Variants in AFF3 observed in about 807,000 individuals in gnomAD.
AFF3 encodes AF4/FMR2 family member 3.
Under a neutral mutation model 129.7 loss-of-function variants are expected in AFF3, and 32 were observed. The observed-to-expected ratio is 0.25, with a 90% CI of 0.19 to 0.33. The LOEUF (loss-of-function observed/expected upper bound fraction) is 0.33, where lower values mean the gene tolerates loss of function less well. AFF3 is among the 10% of genes least tolerant of loss of function. The pLI is 1.00. For synonymous variants in AFF3, 644 were observed against 635.4 expected (o/e 1.01, Z -0.20); for missense variants, 1,373 against 1,592.0 (o/e 0.86, Z 2.34).
intron 10 of AFF3, among the ~76,000 whole-genome samples, chr2:99,731,526 G>A (rs912326983): frequency 5.3e-5 from 8 of 151,718 alleles, no homozygotes; most frequent in African/African-American, 1.9e-4. Flanking sequence ...CCACCTCCCC[G>A]CTCACAGCTA....
At chr2:100,123,304 G>A (rs1439027688) in intron 2 of AFF3, among the ~76,000 whole-genome samples, 1 of 152,186 alleles carries the variant, frequency 6.6e-6, no homozygotes, top group Non-Finnish European at 1.5e-5. Flanking sequence ...TAATAGCAGA[G>A]GGTTGGTAAA....
chr2:99,872,113 G>A (rs749243327), intron 7 of AFF3, among the ~76,000 whole-genome samples: 51 of 148,820 alleles, frequency 3.4e-4, no homozygotes, highest in Non-Finnish European at 7.2e-4. Context: ...GGCTGAGGCA[G>A]GAGAATGGCA....
intron 8 of AFF3, among the ~76,000 whole-genome samples, chr2:99,797,946 G>A (rs148458605): frequency 2.6e-5 from 4 of 152,030 alleles, no homozygotes; most frequent in African/African-American, 4.8e-5. Context: ...GCTAACAGAC[G>A]GAAATATAAA....
chr2:99,804,196 G>T (rs1056970777), intron 8 of AFF3, among the ~76,000 whole-genome samples: 1 of 152,054 alleles, frequency 6.6e-6, no homozygotes, highest in African/African-American at 2.4e-5. Context: ...ATGTGACAAA[G>T]AACTAATATC....
At chr2:99,994,822 T>C (rs1234193584) in intron 7 of AFF3, among the ~76,000 whole-genome samples, 1 of 152,172 alleles carries the variant, frequency 6.6e-6, no homozygotes, top group Non-Finnish European at 1.5e-5. Context: ...CTGATCTGCC[T>C]GACATCATTT....
At position 100,045,993 on chromosome 2, in the gene AFF3, G is replaced by T. The variant is rs140247247; in HGVS notation, c.54-37061C>A. On this transcript the variant is annotated intron_variant, in intron 4 of 24. Coordinates refer to ENST00000672756, the MANE Select transcript of AFF3 (RefSeq NM_001386135.1). Reference sequence around the variant, plus strand: ...GTTATATGTGAATTTTTGACTGCATGAGGGTTGGCACCTCTAACCCCAGAG... The same window carrying T: ...GTTATATGTGAATTTTTGACTGCATTAGGGTTGGCACCTCTAACCCCAGAG... Among the ~76,000 whole-genome samples the T allele has an allele frequency of 4.1e-3, 627 of 152,222 alleles. 1 individual carries two copies. The highest frequency in any genetic ancestry group is 0.011 in the South Asian group (51 of 4,822).
chr2:99,737,775 G>A (rs762954783), intron 10 of AFF3, among the ~76,000 whole-genome samples: 15 of 150,724 alleles, frequency 1.0e-4, no homozygotes, highest in Admixed American at 4.7e-4. Context: ...TGAAATTCTA[G>A]TTAGATGCAT....
chr2:99,872,066 C>T (rs1044587041), intron 7 of AFF3, among the ~76,000 whole-genome samples: 1 of 151,476 alleles, frequency 6.6e-6, no homozygotes, highest in Non-Finnish European at 1.5e-5. Flanking sequence ...ATTAGCCAGT[C>T]GTGGTGGTGG....
At chr2:99,738,708 G>C (rs1397949412) in intron 10 of AFF3, among the ~76,000 whole-genome samples, 2 of 152,090 alleles carry the variant, frequency 1.3e-5, no homozygotes, top group Admixed American at 6.5e-5. Flanking sequence ...CCTTTGTAGG[G>C]AAGAGCTGAT....
chr2:99,909,528 C>A (rs1226549331), intron 7 of AFF3, among the ~76,000 whole-genome samples: 1 of 151,488 alleles, frequency 6.6e-6, no homozygotes, highest in Admixed American at 6.6e-5. Context: ...CTGGGTGCAG[C>A]ACACCAACAT....
At chr2:99,971,000 G>A (rs1019578718) in intron 7 of AFF3, among the ~76,000 whole-genome samples, 1 of 152,198 alleles carries the variant, frequency 6.6e-6, no homozygotes, top group Non-Finnish European at 1.5e-5. Context: ...CCAGAGGGTG[G>A]TTGGAATAAT....
chr2:99,949,935 T>A (rs1675985346), intron 7 of AFF3, among the ~76,000 whole-genome samples: 1 of 152,244 alleles, frequency 6.6e-6, no homozygotes, highest in Non-Finnish European at 1.5e-5. Flanking sequence ...ATAACTCTTA[T>A]AAATATTTCA....
intron 13 of AFF3, among the ~76,000 whole-genome samples, chr2:99,618,010 A>AC (rs2105275459): frequency 6.6e-6 from 1 of 152,256 alleles, no homozygotes; most frequent in African/African-American, 2.4e-5. Context: ...CCATTTGGAC[A>AC]CATCAGGTCA....
chr2:99,983,459 A>G (rs972415659), intron 7 of AFF3, among the ~76,000 whole-genome samples: 2 of 152,220 alleles, frequency 1.3e-5, no homozygotes, highest in South Asian at 4.1e-4. Context: ...TGTGATTACT[A>G]TTATAATTAT....
intron 7 of AFF3, among the ~76,000 whole-genome samples, chr2:99,889,588 A>G (rs1257476659): frequency 6.6e-6 from 1 of 152,230 alleles, no homozygotes; most frequent in Non-Finnish European, 1.5e-5. Context: ...TCTTTAAAGA[A>G]AAAAGCAAAA....
At chr2:100,138,640 G>T (rs1692725366) in intron 1 of AFF3, among the ~76,000 whole-genome samples, 2 of 152,106 alleles carry the variant, frequency 1.3e-5, no homozygotes, top group Admixed American at 6.6e-5. Flanking sequence ...GGAGAAAGGT[G>T]AAATCTTAAA....
intron 8 of AFF3, among the ~76,000 whole-genome samples, chr2:99,761,298 G>A (rs1682570670): frequency 6.6e-6 from 1 of 150,986 alleles, no homozygotes. Context: ...ACAGAATATT[G>A]CTCTTCATAA....
intron 8 of AFF3, among the ~76,000 whole-genome samples, chr2:99,784,950 G>A (rs879475862): frequency 8.5e-5 from 13 of 152,172 alleles, no homozygotes; most frequent in Non-Finnish European, 1.6e-4. Context: ...CGTGGCTGGC[G>A]TGTTCCCTCA....
chr2:99,875,985 C>T (rs1367445369), intron 7 of AFF3, among the ~76,000 whole-genome samples: 1 of 152,124 alleles, frequency 6.6e-6, no homozygotes, highest in Non-Finnish European at 1.5e-5. Context: ...TGGGCCCCTC[C>T]CTCCTCCTTC....
Sources: gnomAD v4.1 joint callset for allele counts (sites outside exome capture counted in the v4.1 genomes callset) on GRCh38, gnomAD v4.1.1 for gene constraint, MANE v1.5 for transcripts, NCBI Gene and HGNC (gene_info 2026-07-23, HGNC 2026-07-21) for gene names.